PHLPP1: variants seen among roughly 807,000 people sequenced by gnomAD.
PHLPP1 encodes the protein PH domain and leucine rich repeat protein phosphatase 1.
A neutral mutation model predicts 117.2 loss-of-function variants in PHLPP1; 42 were observed. The ratio of observed to expected loss-of-function variants is 0.36; its 90% confidence interval spans 0.28 to 0.46. PHLPP1 has a LOEUF of 0.46. PHLPP1 is among the 20% of genes least tolerant of loss of function. PHLPP1 has a pLI of 1.00. For synonymous variants in PHLPP1, 1,042 were observed against 970.7 expected, an observed-to-expected ratio of 1.07 and a Z score of -1.37; for missense variants, 2,084 against 2,241.9, an observed-to-expected ratio of 0.93 and a Z score of 1.42.
chr18:62,854,676 A>C (rs1915447671), intron 3 of PHLPP1, among the ~76,000 whole-genome samples: 1 of 149,518 alleles, frequency 6.7e-6, no homozygotes, highest in South Asian at 2.1e-4. Flanking sequence ...GCTCTTGTTC[A>C]AACTCTGATC....
chr18:62,871,706 G>A (rs922750791), intron 4 of PHLPP1, among the ~76,000 whole-genome samples: 2 of 146,042 alleles, frequency 1.4e-5, no homozygotes, highest in East Asian at 2.0e-4. Context: ...GTACAGTGGC[G>A]TGATCTCAGC....
chr18:62,860,928 A>T (rs1168174354), intron 4 of PHLPP1, among the ~76,000 whole-genome samples: 1 of 152,182 alleles, frequency 6.6e-6, no homozygotes, highest in Admixed American at 6.6e-5. Context: ...GTTACTTCTG[A>T]ACTTCAGGTG....
At chr18:62,802,184 A>G (rs1325761157) in intron 1 of PHLPP1, among the ~76,000 whole-genome samples, 1 of 152,166 alleles carries the variant, frequency 6.6e-6, no homozygotes, top group Non-Finnish European at 1.5e-5. Context: ...GAAAAGAAGA[A>G]AGGTTGGCTC....
intron 3 of PHLPP1, among the ~76,000 whole-genome samples, chr18:62,849,418 T>C (rs1329753659): frequency 6.6e-6 from 1 of 152,010 alleles, no homozygotes; most frequent in Non-Finnish European, 1.5e-5. Context: ...CCCACCACTT[T>C]GGGAAGCTGA....
At chr18:62,734,859 G>T (rs1216505422) in intron 1 of PHLPP1, among the ~76,000 whole-genome samples, 1 of 152,148 alleles carries the variant, frequency 6.6e-6, no homozygotes, top group African/African-American at 2.4e-5. Context: ...TAACAGAAAT[G>T]TTAGCACCAA....
chr18:62,863,214 CT>C (rs917882737), intron 4 of PHLPP1, among the ~76,000 whole-genome samples: 3 of 150,538 alleles, frequency 2.0e-5, no homozygotes, highest in Non-Finnish European at 4.4e-5. Context: ...TTCTTCTTTT[CT>C]TTCTTTCTTT....
intron 1 of PHLPP1, among the ~76,000 whole-genome samples, chr18:62,766,002 A>G (rs1912466713): frequency 7.1e-6 from 1 of 141,242 alleles, no homozygotes; most frequent in Non-Finnish European, 1.5e-5. Context: ...GGGAGCTTGC[A>G]GTGAGCCGAG....
rs150604339 is a variant in PHLPP1 at position 62,815,448 on chromosome 18, C to T, written c.1577-14587C>T. ...CTGGGATTACAGGCTTGAGCCACCGCGCCCGGCCTTGAGGATGTTTCTAAT... is the reference window on the plus strand; with the variant it reads ...CTGGGATTACAGGCTTGAGCCACCGTGCCCGGCCTTGAGGATGTTTCTAAT... On this transcript the variant is annotated intron_variant, in intron 1 of 16. Coordinates refer to ENST00000262719, the MANE Select transcript of PHLPP1 (RefSeq NM_194449.4). 1.1e-4 allele frequency among the ~76,000 whole-genome samples: 17 copies of T among 152,278 alleles called. No homozygotes were observed. In the East Asian group the frequency reaches 2.9e-3, roughly 26 times the overall value.
At chr18:62,932,861 A>G (rs1234654691) in intron 10 of PHLPP1, among the ~76,000 whole-genome samples, 1 of 152,202 alleles carries the variant, frequency 6.6e-6, no homozygotes, top group Non-Finnish European at 1.5e-5. Flanking sequence ...TACCTAGAAA[A>G]CCCTAAAAGT....
intron 14 of PHLPP1, among the ~76,000 whole-genome samples, chr18:62,968,286 T>C (rs1910959623): frequency 6.6e-6 from 1 of 152,196 alleles, no homozygotes. Context: ...AAGTGTTTCC[T>C]CATCTTGAGT....
At chr18:62,917,673 T>TA (rs1909331458) in intron 9 of PHLPP1, among the ~76,000 whole-genome samples, 1 of 151,386 alleles carries the variant, frequency 6.6e-6, no homozygotes, top group Non-Finnish European at 1.5e-5. Context: ...ATTAGCTAGA[T>TA]ATGGTGGCGT....
intron 1 of PHLPP1, among the ~76,000 whole-genome samples, chr18:62,787,135 T>C (rs1913313886): frequency 2.0e-5 from 3 of 152,072 alleles, no homozygotes; most frequent in Admixed American, 1.3e-4. Context: ...AGAAAAGATG[T>C]TTTACTCAGG....
Position 62,963,429 on chromosome 18 carries a change from G to A in PHLPP1, c.3517G>A (p.Val1173Ile), listed in dbSNP as rs1357541426. The change falls in exon 14 of 17, where the codon GTA (valine) becomes ATA (isoleucine). Residue 1173 changes from valine to isoleucine, a missense_variant. This residue lies in a region of PHLPP1 where 1,365 missense variants were observed against 1,605.9 expected (regional missense o/e 0.85). Coordinates refer to ENST00000262719, the MANE Select transcript of PHLPP1 (RefSeq NM_194449.4). ...STGDASGAPA[V>I]WSHGYTEASG... Reference sequence around the variant, plus strand: ...AGGAGACGCTTCCGGAGCCCCAGCTGTATGGAGTCATGGTTACACTGAAGC... The same window carrying A: ...AGGAGACGCTTCCGGAGCCCCAGCTATATGGAGTCATGGTTACACTGAAGC... 2 of 1,613,360 alleles carry A rather than the reference G, an allele frequency of 1.2e-6. No homozygotes were observed. Among genetic ancestry groups the A allele is most frequent in the Non-Finnish European group, 8.5e-7 (1 of 1,179,668 alleles).
In PHLPP1 at chr18:62,820,087, TA is replaced by T. The variant is rs1324703158; in HGVS notation, c.1577-9946del. Among the ~76,000 whole-genome samples, 5 of 152,352 alleles carry T rather than the reference TA, an allele frequency of 3.3e-5. No individual in the cohort carries two copies. The East Asian group carries it at 7.7e-4, about 23-fold the overall frequency. ...AAAGTAGATTTTAGAGAAAACAGTA[TA>T]ATCAGTGATAAAGAAGGTCATTTTA... On this transcript the variant is annotated intron_variant, in intron 1 of 16. Coordinates refer to ENST00000262719, the MANE Select transcript of PHLPP1 (RefSeq NM_194449.4).
At chr18:62,842,092 C>G (rs1196950826) in intron 3 of PHLPP1, among the ~76,000 whole-genome samples, 3 of 152,076 alleles carry the variant, frequency 2.0e-5, no homozygotes, top group Admixed American at 2.0e-4. Flanking sequence ...TTTATACTGG[C>G]ACATAGTAAG....
In PHLPP1 at chr18:62,941,867, A is replaced by G. The variant is rs375267954; in HGVS notation, c.3110A>G (p.His1037Arg). The stretch of plus-strand genomic sequence containing the variant: ...GTGCCCTTGTTAACGGGACACCCCC[A>G]TTTGAAGATCCTTCACATGGCCTAT... The part of the protein sequence containing the change: ...KCVPLLTGHP[H>R]LKILHMAYNR... The change falls in exon 11 of 17, where the codon CAT (histidine) becomes CGT (arginine). Residue 1037 changes from histidine (H) to arginine (R), a missense_variant. Around this residue, in one of 2 missense-constraint regions of PHLPP1, gnomAD observed 1,365 missense variants for 1,605.9 expected, o/e 0.85. Transcript: ENST00000262719. 2.4e-5 allele frequency: 39 copies of G among 1,614,022 alleles called. No individual in the cohort carries two copies. The highest frequency in any genetic ancestry group is 5.0e-5 in the Admixed American group (3 of 60,016).
chr18:62,839,015 T>C, intron 3 of PHLPP1, 106 bp downstream of exon 3: 1 of 1,227,462 alleles, frequency 8.1e-7, no homozygotes, highest in Non-Finnish European at 1.1e-6. Context: ...ACACTTTTTT[T>C]TTCCTCCCCA....
chr18:62,895,790 A>G lies in PHLPP1; in HGVS notation c.2223A>G (p.Thr741=), dbSNP rs1916545928. 1.2e-6 allele frequency: 2 copies of G among 1,602,184 alleles called. No individual in the cohort carries two copies. Among genetic ancestry groups the G allele is most frequent in the South Asian group, 1.1e-5 (1 of 90,830 alleles). Residue 741 remains threonine (T), a synonymous_variant, in exon 6 of 17, where the codon ACA becomes ACG. Transcript: ENST00000262719. ...ATGTTTTCTCTAATAGCTTACAGAC[A>G]TTTTTGTTGGATGGAAACTTTCTCC... ...AAVGVMHNLQ[T]FLLDGNFLQS...
chr18:62,848,455 A>ATTTTTTTTTTTTTTTTTT (rs56223512), intron 3 of PHLPP1, among the ~76,000 whole-genome samples: 1 of 88,550 alleles, frequency 1.1e-5, no homozygotes, highest in Non-Finnish European at 2.1e-5. Context: ...TTTTTTGTTG[A>ATTTTTTTTTTTTTTTTTT]TTTTTTTTTT....
Sources: allele counts gnomAD v4.1 joint callset (sites outside exome capture counted in the v4.1 genomes callset), GRCh38; gene constraint gnomAD v4.1.1; regional missense constraint gnomAD v4.1.1; transcripts MANE v1.5; gene names NCBI Gene and HGNC (gene_info 2026-07-23, HGNC 2026-07-21).